KDM4B: variants seen among roughly 807,000 people sequenced by gnomAD.
KDM4B encodes lysine demethylase 4B.
A neutral mutation model predicts 125.2 loss-of-function variants in KDM4B; 32 were observed. The observed-to-expected ratio is 0.26, with a 90% CI of 0.19 to 0.34. The LOEUF (loss-of-function observed/expected upper bound fraction) is 0.34. KDM4B is among the 10% of genes least tolerant of loss of function. The pLI is 1.00. For missense variants in KDM4B, 1,190 were observed against 1,577.7 expected, an observed-to-expected ratio of 0.75 and a Z score of 4.16; for synonymous variants, 721 against 677.9, an observed-to-expected ratio of 1.06 and a Z score of -0.99.
intron 10 of KDM4B, chr19:5,111,729 G>A (rs747659933): frequency 6.6e-6 from 5 of 763,056 alleles, no homozygotes; most frequent in East Asian, 2.4e-5. Flanking sequence ...CAACTCCTCC[G>A]GGGAAGGGCC....
chr19:5,045,329 T>C lies in KDM4B; in HGVS notation c.433-2147T>C, dbSNP rs191504739. On this transcript the variant is annotated intron_variant, in intron 5 of 22. Transcript: ENST00000159111. ...GCGGCGGGGCCCCTTTGCATGCCTGTTTGCCATCTGTGTGTTTCCTTGGTG... is the reference window on the plus strand; with the variant it reads ...GCGGCGGGGCCCCTTTGCATGCCTGCTTGCCATCTGTGTGTTTCCTTGGTG... 9.8e-5 allele frequency among the ~76,000 whole-genome samples: 15 copies of C among 152,304 alleles called. 1 individual carries two copies. Among genetic ancestry groups the C allele is most frequent in the Admixed American group, 9.2e-4 (14 of 15,292 alleles).
At chr19:5,134,144 C>T in intron 14 of KDM4B, 83 bp downstream of exon 14, 1 of 1,316,724 alleles carries the variant, frequency 7.6e-7, no homozygotes, top group Non-Finnish European at 1.0e-6. Context: ...CCCCACACGC[C>T]TCCCTCTCTC....
intron 10 of KDM4B, among the ~76,000 whole-genome samples, chr19:5,116,770 T>C (rs2039264405): frequency 6.6e-6 from 1 of 152,068 alleles, no homozygotes; most frequent in Non-Finnish European, 1.5e-5. Flanking sequence ...CTGTGGCTCA[T>C]GGATGCACAA....
rs117921451 is a variant in KDM4B, at chr19:4,971,015, G to A, written c.-109+1785G>A. ...AACGGAGATTCTGCCGCACAGACGG[G>A]TGTCTGTGTACAGGCTGTTTTGGTG... On this transcript the variant is annotated intron_variant, in intron 1 of 22. Transcript: ENST00000159111. This position sits in a 1 kb window ranked among gnomAD's most constrained non-coding sequence, Gnocchi z 4.1. Among the ~76,000 whole-genome samples the A allele has an allele frequency of 6.8e-3, 1,039 of 152,272 alleles. 32 individuals carry two copies. The South Asian group carries it at 0.087, about 13-fold the overall frequency.
At chr19:4,977,753 C>T (rs2034498299) in intron 1 of KDM4B, among the ~76,000 whole-genome samples, 1 of 152,122 alleles carries the variant, frequency 6.6e-6, no homozygotes, top group East Asian at 1.9e-4. Flanking sequence ...ATGGGCTGTG[C>T]CCTCAGCCGG....
intron 5 of KDM4B, among the ~76,000 whole-genome samples, chr19:5,042,573 C>T (rs995658701): frequency 5.9e-5 from 9 of 151,808 alleles, no homozygotes; most frequent in East Asian, 1.9e-4. Context: ...AATTGGTTCA[C>T]GTTTTTGCAG....
chr19:5,139,259 C>A (rs866336753), intron 18 of KDM4B, among the ~76,000 whole-genome samples: 2 of 152,176 alleles, frequency 1.3e-5, no homozygotes, highest in Non-Finnish European at 2.9e-5. Flanking sequence ...ATTCATTCAA[C>A]CCAAATATGG....
Position 5,144,763 on chromosome 19 carries a change from C to G in KDM4B, c.2902-20C>G. ...GCGTAGTGTGGCCAGGACCTCACCT[C>G]CCACCTCTTCTCCCTGCAGAGTAGG... On this transcript the variant is annotated intron_variant, in intron 20 of 22. Transcript: ENST00000159111. 2 of 1,613,368 alleles carry G rather than the reference C, an allele frequency of 1.2e-6. No homozygotes were observed. The highest frequency in any genetic ancestry group is 1.7e-6 in the Non-Finnish European group (2 of 1,179,956).
Position 5,138,294 on chromosome 19 carries a change from G to A in KDM4B, c.2550+224G>A, listed in dbSNP as rs1784908236. ...GTACAAAAATCAGAAGGCATCAAGG[G>A]TGGCAGAGATAAGCAGGCCCCGTCA... On this transcript the variant is annotated intron_variant, in intron 18 of 22. Transcript: ENST00000159111. 7 of 562,838 alleles carry A rather than the reference G, an allele frequency of 1.2e-5. No homozygotes were observed. The Admixed American group carries it at 1.9e-4, about 16-fold the overall frequency. The allele number at this position is 562,838 out of a possible 1,614,324, so 34.9% of individuals were successfully genotyped here.
intron 5 of KDM4B, among the ~76,000 whole-genome samples, chr19:5,044,824 A>G (rs1568253535): frequency 6.6e-6 from 1 of 151,592 alleles, no homozygotes; most frequent in East Asian, 1.9e-4. Flanking sequence ...AGCCTTTTCC[A>G]GAATGCCGTG....
At chr19:5,130,362 A>C (rs2039520254) in intron 11 of KDM4B, among the ~76,000 whole-genome samples, 1 of 151,998 alleles carries the variant, frequency 6.6e-6, no homozygotes, top group South Asian at 2.1e-4. Context: ...ATTTACTGCA[A>C]ACCCGTCCTG....
intron 6 of KDM4B, among the ~76,000 whole-genome samples, chr19:5,060,532 C>T (rs981369363): frequency 2.7e-5 from 4 of 146,902 alleles, no homozygotes; most frequent in South Asian, 2.3e-4. Context: ...AGGAGACTGT[C>T]GTTGTTCTCT....
intron 6 of KDM4B, among the ~76,000 whole-genome samples, chr19:5,062,885 A>G (rs1294674650): frequency 1.4e-5 from 2 of 147,056 alleles, no homozygotes; most frequent in Non-Finnish European, 3.0e-5. Context: ...GACTCCAGTG[A>G]TCCTCCTGCC....
At chr19:4,994,248 T>C (rs1372159509) in intron 1 of KDM4B, among the ~76,000 whole-genome samples, 1 of 151,626 alleles carries the variant, frequency 6.6e-6, no homozygotes, top group African/African-American at 2.4e-5. Context: ...GCCCAGCCTA[T>C]TTTCAGCCTG....
chr19:5,090,240 C>T (rs1023209040), intron 9 of KDM4B, among the ~76,000 whole-genome samples: 2 of 152,086 alleles, frequency 1.3e-5, no homozygotes, highest in African/African-American at 2.4e-5. Flanking sequence ...TCCCTAGCCA[C>T]ACACCTCGCT....
chr19:5,082,184 T>C lies in KDM4B; in HGVS notation c.781-183T>C, dbSNP rs557196150. Among the ~76,000 whole-genome samples, 3 of 152,328 alleles carry C rather than the reference T, an allele frequency of 2.0e-5. No individual in the cohort carries two copies. Among genetic ancestry groups the C allele is most frequent in the South Asian group, 2.1e-4 (1 of 4,824 alleles). Reference sequence around the variant, plus strand: ...CTGCGGCTGCTCACTATGTCCTTCATGAGCCGCGTGGGAAATGGGCTGGAG... The same window carrying C: ...CTGCGGCTGCTCACTATGTCCTTCACGAGCCGCGTGGGAAATGGGCTGGAG... On this transcript the variant is annotated intron_variant, in intron 8 of 22. Coordinates refer to ENST00000159111, the MANE Select transcript of KDM4B (RefSeq NM_015015.3). This position sits in a 1 kb window ranked among gnomAD's most constrained non-coding sequence, Gnocchi z 5.4.
At chr19:5,006,152 C>A (rs10412300) in intron 1 of KDM4B, among the ~76,000 whole-genome samples, 5 of 151,860 alleles carry the variant, frequency 3.3e-5, no homozygotes, top group Admixed American at 1.3e-4. Flanking sequence ...TCCTTCCATC[C>A]CTGCTGCAGG....
chr19:5,103,129 G>A (rs1049416856), intron 9 of KDM4B, among the ~76,000 whole-genome samples: 1 of 152,162 alleles, frequency 6.6e-6, no homozygotes, highest in Non-Finnish European at 1.5e-5. Flanking sequence ...GGGCCGGTGA[G>A]TGTGCAGAGC....
At chr19:5,087,096 G>A (rs1254934297) in intron 9 of KDM4B, among the ~76,000 whole-genome samples, 1 of 152,260 alleles carries the variant, frequency 6.6e-6, no homozygotes, top group Non-Finnish European at 1.5e-5. Context: ...TGAGCTCACA[G>A]GTGGGATGGA....
Sources: gnomAD v4.1 joint callset for allele counts (sites outside exome capture counted in the v4.1 genomes callset) on GRCh38, gnomAD v4.1.1 for gene constraint, Gnocchi (gnomAD v3.1) non-coding constraint, MANE v1.5 for transcripts, NCBI Gene and HGNC (gene_info 2026-07-23, HGNC 2026-07-21) for gene names.